Variants in PPP2R3A observed in about 807,000 individuals in gnomAD.
PPP2R3A encodes the protein serine/threonine-protein phosphatase 2A regulatory subunit B'' subunit alpha.
A neutral mutation model predicts 106.9 loss-of-function variants in PPP2R3A; 80 were observed. The ratio of observed to expected loss-of-function variants is 0.75; its 90% CI spans 0.62 to 0.90. The LOEUF is 0.90. Ranked by LOEUF, PPP2R3A falls within the 40% of genes least tolerant of loss-of-function variation. The probability of loss-of-function intolerance (pLI) is 0.00; values close to 1 mark genes in which losing one functional copy is unlikely to be tolerated. For synonymous variants in PPP2R3A, 483 were observed against 468.3 expected (o/e 1.03, Z -0.41); for missense variants, 1,386 against 1,350.4 (o/e 1.03, Z -0.41).
At chr3:136,121,363 A>G (rs1184520130) in intron 13 of PPP2R3A, among the ~76,000 whole-genome samples, 1 of 152,222 alleles carries the variant, frequency 6.6e-6, no homozygotes, top group African/African-American at 2.4e-5. Flanking sequence ...GTTCTCACTT[A>G]TAGGTGGGAG....
intron 1 of PPP2R3A, among the ~76,000 whole-genome samples, chr3:135,987,452 C>T (rs922032269): frequency 2.6e-5 from 4 of 152,088 alleles, no homozygotes; most frequent in African/African-American, 9.7e-5. Flanking sequence ...AGCATGCTTG[C>T]TCTTTGTTTC....
At chr3:136,133,562 G>T (rs961455749) in intron 13 of PPP2R3A, among the ~76,000 whole-genome samples, 1 of 152,018 alleles carries the variant, frequency 6.6e-6, no homozygotes, top group Non-Finnish European at 1.5e-5. Context: ...AAGTTTGGCA[G>T]TTTCTTAAAA....
At chr3:136,107,561 GC>G (rs1937538810) in intron 13 of PPP2R3A, among the ~76,000 whole-genome samples, 1 of 148,974 alleles carries the variant, frequency 6.7e-6, no homozygotes, top group African/African-American at 2.5e-5. Context: ...AAACTATCCA[GC>G]CCCATAGATA....
In PPP2R3A at chr3:136,027,102, A is replaced by G. The variant is rs1187494359; in HGVS notation, c.2262+4A>G. 2.5e-6 allele frequency: 4 copies of G among 1,608,838 alleles called. No individual in the cohort carries two copies. The highest frequency in any genetic ancestry group is 2.2e-5 in the East Asian group (1 of 44,800). On this transcript the variant is annotated splice_donor_region_variant and intron_variant, in intron 3 of 13. Transcript: ENST00000264977. The stretch of plus-strand genomic sequence containing the variant: ...TGAAATGGGGAAAATTGCAAAGGTA[A>G]TGTAACTACTAAATGATTTACAATC...
At chr3:136,097,097 C>T (rs1390554085) in intron 10 of PPP2R3A, among the ~76,000 whole-genome samples, 1 of 152,018 alleles carries the variant, frequency 6.6e-6, no homozygotes, top group Non-Finnish European at 1.5e-5. Context: ...CACTAGTGCT[C>T]TCTGGTCAGT....
intron 7 of PPP2R3A, 70 bp from the exon 8 acceptor site, chr3:136,082,195 G>C (rs988959284): frequency 7.6e-7 from 1 of 1,319,406 alleles, no homozygotes; most frequent in Non-Finnish European, 1.0e-6. Context: ...ACAGAAATTC[G>C]CTAGACTCTG....
chr3:136,025,040 A>T (rs1934599851), intron 2 of PPP2R3A, among the ~76,000 whole-genome samples: 2 of 152,150 alleles, frequency 1.3e-5, no homozygotes. Flanking sequence ...TTTATTATTG[A>T]ATCTGAAAGA....
intron 13 of PPP2R3A, among the ~76,000 whole-genome samples, chr3:136,115,609 C>T (rs1937717654): frequency 6.6e-6 from 1 of 151,520 alleles, no homozygotes; most frequent in South Asian, 2.1e-4. Flanking sequence ...GCATATACAA[C>T]TATCAGTAGC....
chr3:136,068,280 A>C (rs1291364185), intron 5 of PPP2R3A, among the ~76,000 whole-genome samples: 1 of 152,188 alleles, frequency 6.6e-6, no homozygotes, highest in African/African-American at 2.4e-5. Flanking sequence ...AGCTACATCA[A>C]TTTGAGCAAC....
chr3:136,106,304 A>G lies in PPP2R3A; in HGVS notation c.3311A>G (p.Gln1104Arg), dbSNP rs766296637. 13 of 1,614,038 alleles carry G rather than the reference A, an allele frequency of 8.1e-6. No individual in the cohort carries two copies. The Admixed American group carries it at 2.2e-4, about 27-fold the overall frequency. Reference sequence around the variant, plus strand: ...ACGCTTGTTGCAGAGGAATCTGCCCAAGCACAATTCCAGGAAGGGTGAGTA... The same window carrying G: ...ACGCTTGTTGCAGAGGAATCTGCCCGAGCACAATTCCAGGAAGGGTGAGTA... ...YETLVAEESA[Q>R]AQFQEGFEDY... Residue 1104 changes from glutamine (Q) to arginine (R), a missense_variant, in exon 13 of 14, where the codon CAA (glutamine) becomes CGA (arginine). Physicochemically the swap from Gln to Arg is conservative, Grantham distance 43. Coordinates refer to ENST00000264977, the MANE Select transcript of PPP2R3A (RefSeq NM_002718.5).
At chr3:136,125,772 TA>T (rs1453793840) in intron 13 of PPP2R3A, among the ~76,000 whole-genome samples, 1 of 152,014 alleles carries the variant, frequency 6.6e-6, no homozygotes, top group East Asian at 1.9e-4. Context: ...TCCAATGACA[TA>T]AAAAAGATTA....
At chr3:136,083,423 A>G (rs956310119) in intron 8 of PPP2R3A, among the ~76,000 whole-genome samples, 2 of 152,172 alleles carry the variant, frequency 1.3e-5, no homozygotes, top group Non-Finnish European at 2.9e-5. Context: ...CCACCCTGTA[A>G]CATGTGCTGT....
chr3:136,005,176 T>C (rs1933798157), intron 2 of PPP2R3A, among the ~76,000 whole-genome samples: 1 of 152,188 alleles, frequency 6.6e-6, no homozygotes, highest in Admixed American at 6.5e-5. Flanking sequence ...ACGTACAAAA[T>C]TCTTTAAAAT....
rs1448491325 is a variant in PPP2R3A at position 135,978,933 on chromosome 3, A to C, written c.-441+13084A>C. Among the ~76,000 whole-genome samples the C allele has an allele frequency of 2.0e-5, 3 of 151,912 alleles. No homozygotes were observed. In the East Asian group the frequency reaches 5.8e-4, roughly 29 times the overall value. On this transcript the variant is annotated intron_variant, in intron 1 of 13. Transcript: ENST00000264977. ...TTTTTCCTTAAATATTATCAGTATT[A>C]AAGATTATGCCACAGAAACTTTGTA...
At chr3:135,980,668 T>TAGGTATA (rs1937530125) in intron 1 of PPP2R3A, among the ~76,000 whole-genome samples, 1 of 151,820 alleles carries the variant, frequency 6.6e-6, no homozygotes, top group Admixed American at 6.6e-5. Flanking sequence ...TCCTATACAT[T>TAGGTATA]GGTATAGACC....
intron 1 of PPP2R3A, among the ~76,000 whole-genome samples, chr3:135,970,834 G>T (rs181013406): frequency 2.0e-5 from 3 of 152,110 alleles, no homozygotes; most frequent in African/African-American, 7.2e-5. Context: ...CCTCTCCCAC[G>T]TTCTTAGGGG....
intron 6 of PPP2R3A, among the ~76,000 whole-genome samples, 156 bp from the exon 7 acceptor site, chr3:136,078,211 T>TA (rs1936658759): frequency 6.6e-6 from 1 of 152,392 alleles, no homozygotes; most frequent in African/African-American, 2.4e-5. Context: ...GATGTAGATT[T>TA]AAAAATACAG....
At chr3:136,051,317 T>C (rs1375038779) in intron 5 of PPP2R3A, among the ~76,000 whole-genome samples, 1 of 152,168 alleles carries the variant, frequency 6.6e-6, no homozygotes, top group Admixed American at 6.5e-5. Context: ...TATTCATGGC[T>C]GCCATGTTTT....
intron 1 of PPP2R3A, among the ~76,000 whole-genome samples, chr3:135,992,819 A>T (rs17197259): frequency 3.3e-5 from 5 of 152,102 alleles, no homozygotes; most frequent in Non-Finnish European, 5.9e-5. Flanking sequence ...ACAAGATTTG[A>T]GCATATATAA....
Sources: gnomAD v4.1 joint callset for allele counts (sites outside exome capture counted in the v4.1 genomes callset) on GRCh38, gnomAD v4.1.1 for gene constraint, MANE v1.5 for transcripts, NCBI Gene and HGNC (gene_info 2026-07-23, HGNC 2026-07-21) for gene names.